The following MTOR variants were observed in gnomAD, a reference collection of about 807,000 sequenced individuals.
MTOR encodes mechanistic target of rapamycin kinase.
Under a neutral mutation model 319.8 loss-of-function variants are expected in MTOR, and 70 were observed. That is an observed-to-expected ratio of 0.22 (90% CI 0.18 to 0.27). MTOR has a LOEUF of 0.27. Among genes scored for constraint, MTOR ranks in the 10% least tolerant of loss-of-function variants. The probability of loss-of-function intolerance (pLI) is 1.00; values close to 1 mark genes in which losing one functional copy is unlikely to be tolerated. For synonymous variants in MTOR, 1,183 were observed against 1,211.4 expected (o/e 0.98, Z 0.49); for missense variants, 1,890 against 3,274.4 (o/e 0.58, Z 10.32).
chr1:11,183,535 T>C (rs184448531), intron 28 of MTOR, among the ~76,000 whole-genome samples: 33 of 152,324 alleles, frequency 2.2e-4, no homozygotes, highest in Admixed American at 1.6e-3. Flanking sequence ...TTGAAGATAA[T>C]AGAAATATTT....
At chr1:11,195,359 TA>T (rs1456581252) in intron 28 of MTOR, 1 of 223,908 alleles carries the variant, frequency 4.5e-6, no homozygotes, top group Non-Finnish European at 8.8e-6. Context: ...GAGATCGTTT[TA>T]TCTATTTTCT....
chr1:11,204,434 C>G (rs999023300), intron 26 of MTOR, 127 bp downstream of exon 26: 12 of 1,297,134 alleles, frequency 9.3e-6, no homozygotes, highest in Non-Finnish European at 1.0e-5. Context: ...CTTTCTCTTT[C>G]TTTGTATCCC....
intron 33 of MTOR, 75 bp from the exon 34 acceptor site, chr1:11,144,830 C>T (rs1380265688): frequency 1.9e-6 from 3 of 1,541,588 alleles, no homozygotes; most frequent in Non-Finnish European, 1.8e-6. Flanking sequence ...TTAAATCATT[C>T]CTTCTGGTGT....
chr1:11,178,166 T>A (rs1645044820), intron 28 of MTOR, among the ~76,000 whole-genome samples: 1 of 152,182 alleles, frequency 6.6e-6, no homozygotes, highest in Non-Finnish European at 1.5e-5. Flanking sequence ...CTAAGTGAAC[T>A]GTCCTGCAGA....
chr1:11,157,969 C>G lies in MTOR; in HGVS notation c.4330-678G>C, dbSNP rs546776707. ...CCTGCTCAGTGCTTGGCAGGTTTACCAGTGTCAGGGGCCAAAGGAGGGATT... is the reference window on the plus strand; with the variant it reads ...CCTGCTCAGTGCTTGGCAGGTTTACGAGTGTCAGGGGCCAAAGGAGGGATT... On this transcript the variant is annotated intron_variant, in intron 29 of 57. Transcript: ENST00000361445. 6.6e-5 allele frequency among the ~76,000 whole-genome samples: 10 copies of G among 152,230 alleles called. No homozygotes were observed. In the East Asian group the frequency reaches 1.9e-3, roughly 29 times the overall value.
At position 11,128,569 on chromosome 1, in the gene MTOR, C is replaced by T. The variant is rs371607282; in HGVS notation, c.5812-17G>A. Reference sequence around the variant, plus strand: ...AGGTATAACCTGGTATTCAAAAAGACACAGTATGTAGCATATGAGACTTGA... The same window carrying T: ...AGGTATAACCTGGTATTCAAAAAGATACAGTATGTAGCATATGAGACTTGA... On this transcript the variant is annotated splice_polypyrimidine_tract_variant and intron_variant, in intron 41 of 57. Transcript: ENST00000361445. This position sits in a 1 kb window ranked among gnomAD's most constrained non-coding sequence, Gnocchi z 5.3. The T allele has an allele frequency of 7.6e-5, 122 of 1,607,598 alleles. No homozygotes were observed. In the African/African-American group the frequency reaches 1.3e-3, roughly 17 times the overall value.
intron 1 of MTOR, among the ~76,000 whole-genome samples, chr1:11,260,400 G>C (rs1234541833): frequency 6.6e-6 from 1 of 152,078 alleles, no homozygotes; most frequent in African/African-American, 2.4e-5. Flanking sequence ...AAATTAGCCA[G>C]GCGTGGCAGT....
chr1:11,234,894 G>A (rs1647146148), intron 13 of MTOR, among the ~76,000 whole-genome samples: 1 of 152,154 alleles, frequency 6.6e-6, no homozygotes, highest in Admixed American at 6.6e-5. Context: ...CTTGCTCATG[G>A]TGACATAGAC....
At chr1:11,232,889 A>T (rs1016356189) in intron 15 of MTOR, 7 of 562,274 alleles carry the variant, frequency 1.2e-5, no homozygotes, top group Non-Finnish European at 2.2e-5. Context: ...TAAATAAAAT[A>T]AAAAATTTTT....
chr1:11,106,688 C>T lies in MTOR; in HGVS notation c.*797G>A. On this transcript the variant is annotated 3_prime_UTR_variant, in exon 58 of 58. Transcript: ENST00000361445. ...TGTACCAGACCTTCCCTGTGTTCAG[C>T]ACCTCCATGACAGTATTTCTGTTTT... 8.6e-7 allele frequency: 1 copy of T among 1,159,406 alleles called. No individual in the cohort carries two copies. The highest frequency in any genetic ancestry group is 2.7e-5 in the South Asian group (1 of 37,226). The allele number at this position is 1,159,406 out of a possible 1,614,324, so 71.8% of individuals were successfully genotyped here.
At position 11,212,345 on chromosome 1, in the gene MTOR, C is replaced by T. The variant is rs1436950597; in HGVS notation, c.3528G>A (p.Thr1176=). The change falls in exon 23 of 58, where the codon ACG becomes ACA. Residue 1176 remains threonine (T), a synonymous_variant. Coordinates refer to ENST00000361445, the MANE Select transcript of MTOR (RefSeq NM_004958.4). The surrounding 1 kb of genome is among the most constrained non-coding windows in gnomAD (Gnocchi z 4.1). The stretch of plus-strand genomic sequence containing the variant: ...CCAGCTGAAAAACAAGTGAAGACAG[C>T]GTGTCCATGGCTGTGGAGCGCAGTT... ...SPELRSTAMD[T]LSSLVFQLGK... 6.2e-6 allele frequency: 10 copies of T among 1,613,976 alleles called. No individual in the cohort carries two copies. The highest frequency in any genetic ancestry group is 1.3e-5 in the African/African-American group (1 of 75,024).
intron 46 of MTOR, among the ~76,000 whole-genome samples, chr1:11,125,178 G>A (rs1441286583): frequency 1.3e-5 from 2 of 152,148 alleles, no homozygotes; most frequent in African/African-American, 4.8e-5. Context: ...TCTGGAGTGT[G>A]GGGGTGGGTG....
intron 8 of MTOR, among the ~76,000 whole-genome samples, chr1:11,245,893 C>A (rs951233339): frequency 1.3e-5 from 2 of 152,024 alleles, no homozygotes; most frequent in African/African-American, 2.4e-5. Context: ...CTGGGTGACA[C>A]AGCAAGACCC....
chr1:11,128,675 C>T lies in MTOR; in HGVS notation c.5812-123G>A. The stretch of plus-strand genomic sequence containing the variant: ...TGCTCTGAAATGGTTCATTCCCTTC[C>T]CTTTAGTTTCTAAAAGAAAATAAAG... On this transcript the variant is annotated intron_variant, in intron 41 of 57. Transcript: ENST00000361445. This position sits in a 1 kb window ranked among gnomAD's most constrained non-coding sequence, Gnocchi z 5.3. 3.6e-6 allele frequency: 4 copies of T among 1,113,030 alleles called. No individual in the cohort carries two copies. Among genetic ancestry groups the T allele is most frequent in the Non-Finnish European group, 5.2e-6 (4 of 762,690 alleles). The allele number at this position is 1,113,030 out of a possible 1,614,324, so 68.9% of individuals were successfully genotyped here. A position where few individuals can be genotyped will look rare whatever the true frequency, so the allele number is the denominator to read the frequency against.
At chr1:11,154,099 A>AAAAAAAAAAC (rs1644241377) in intron 30 of MTOR, among the ~76,000 whole-genome samples, 2 of 145,468 alleles carry the variant, frequency 1.4e-5, no homozygotes, top group Non-Finnish European at 3.0e-5. Flanking sequence ...AAAAAAAAAA[A>AAAAAAAAAAC]AAAAGCCACA....
rs2100986267 is a variant in MTOR at position 11,259,307 on chromosome 1, C to T, written c.103G>A (p.Glu35Lys). 6.2e-7 allele frequency: 1 copy of T among 1,613,878 alleles called. No homozygotes were observed. The change falls in exon 2 of 58, where the codon GAA (glutamate) becomes AAA (lysine). Residue 35 changes from glutamate (E) to lysine (K), a missense_variant. Around this residue, in one of 15 missense-constraint regions of MTOR, gnomAD observed 85 missense variants for 105.8 expected, o/e 0.80. Coordinates refer to ENST00000361445, the MANE Select transcript of MTOR (RefSeq NM_004958.4). ...TCCTTGGCGGCTTTGGCCCTGGTTTCCTCATTCCGGCTCTTTAGGCCACTG... is the reference window on the plus strand; with the variant it reads ...TCCTTGGCGGCTTTGGCCCTGGTTTTCTCATTCCGGCTCTTTAGGCCACTG... The part of the protein sequence containing the change: ...FASGLKSRNE[E>K]TRAKAAKELQ...
At position 11,115,028 on chromosome 1, in the gene MTOR, A is replaced by G; in HGVS notation, c.7090-141T>C. The G allele has an allele frequency of 1.5e-6, 1 of 663,078 alleles. No homozygotes were observed. The highest frequency in any genetic ancestry group is 1.9e-5 in the South Asian group (1 of 53,864). 41.1% of individuals were successfully genotyped at this position (663,078 alleles called of 1,614,324 possible). On this transcript the variant is annotated intron_variant, in intron 51 of 57. Transcript: ENST00000361445. This position sits in a 1 kb window ranked among gnomAD's most constrained non-coding sequence, Gnocchi z 4.5. Reference sequence around the variant, plus strand: ...AAGGAAGCAGCTTGGGTTTAGTGAGAGGACTTGTCACAGGGATTTGAAAGA... The same window carrying G: ...AAGGAAGCAGCTTGGGTTTAGTGAGGGGACTTGTCACAGGGATTTGAAAGA...
At position 11,130,597 on chromosome 1, in the gene MTOR, T is replaced by C. The variant is rs775059532; in HGVS notation, c.5545A>G (p.Ser1849Gly). Residue 1849 changes from serine to glycine, a missense_variant, in exon 39 of 58, where the codon AGT becomes GGT. By Grantham distance (56) the Ser-to-Gly change is moderately conservative. Transcript: ENST00000361445. ...TTTASTEGSN[S>G]ESEAESTENS... ...TCGGTGCTCTCGGCCTCGCTCTCAC[T>C]GTTGCTGCCCTCGGTGCTGGCAGTG... The C allele has an allele frequency of 1.2e-6, 2 of 1,613,910 alleles. No individual in the cohort carries two copies. The highest frequency in any genetic ancestry group is 1.7e-6 in the Non-Finnish European group (2 of 1,179,974).
intron 28 of MTOR, among the ~76,000 whole-genome samples, chr1:11,196,227 T>C (rs1645778151): frequency 6.6e-6 from 1 of 152,218 alleles, no homozygotes. Flanking sequence ...AGACCCTCTA[T>C]TCTACTTAGG....
Sources: allele counts gnomAD v4.1 joint callset (sites outside exome capture counted in the v4.1 genomes callset), GRCh38; gene constraint gnomAD v4.1.1; regional missense constraint gnomAD v4.1.1; non-coding constraint Gnocchi (gnomAD v3.1); transcripts MANE v1.5; gene names NCBI Gene and HGNC (gene_info 2026-07-23, HGNC 2026-07-21).